Variants in PEAR1 observed in about 807,000 individuals in gnomAD.
PEAR1 encodes multiple EGF-like domains protein 12.
A neutral mutation model predicts 131.2 loss-of-function variants in PEAR1; 113 were observed. The observed-to-expected ratio is 0.86, with a 90% CI of 0.74 to 1.01. PEAR1 has a LOEUF of 1.01. Among genes scored for constraint, PEAR1 ranks in the 50% least tolerant of loss-of-function variants. PEAR1 has a pLI of 0.00. For missense variants in PEAR1, 1,408 were observed against 1,391.1 expected (o/e 1.01, Z -0.19); for synonymous variants, 565 against 523.3 (o/e 1.08, Z -1.09).
Position 156,902,803 on chromosome 1 carries a change from G to A in PEAR1, c.-9-1115G>A, listed in dbSNP as rs1408703801. On this transcript the variant is annotated intron_variant, in intron 1 of 22. Transcript: ENST00000292357. The surrounding 1 kb of genome is among the most constrained non-coding windows in gnomAD (Gnocchi z 4.3). ...GCCGGCTGCGGGGATGGGCACTGCG[G>A]TAACTCATCCTCTCCTGAGCTCAGG... Among the ~76,000 whole-genome samples, 2 of 152,184 alleles carry A rather than the reference G, an allele frequency of 1.3e-5. No individual in the cohort carries two copies. Among genetic ancestry groups the A allele is most frequent in the Non-Finnish European group, 2.9e-5 (2 of 68,032 alleles).
chr1:156,913,824 C>T (rs373676434), intron 21 of PEAR1, 28 bp from the exon 22 acceptor site: 81 of 1,610,404 alleles, frequency 5.0e-5, no homozygotes, highest in Middle Eastern at 1.7e-4. Flanking sequence ...TGCCTCCATG[C>T]GGCCTGACTT....
intron 1 of PEAR1, among the ~76,000 whole-genome samples, 189 bp downstream of exon 1, chr1:156,894,026 A>T (rs1409623011): frequency 1.3e-5 from 2 of 152,158 alleles, no homozygotes; most frequent in Non-Finnish European, 2.9e-5. Flanking sequence ...GGGACAGTGG[A>T]GGGGGCCAGA....
rs374380020 is a variant in PEAR1, at chr1:156,913,774, G to A, written c.2713+14G>A. The A allele has an allele frequency of 6.2e-7, 1 of 1,613,326 alleles. No homozygotes were observed. Among genetic ancestry groups the A allele is most frequent in the Non-Finnish European group, 8.5e-7 (1 of 1,179,524 alleles). On this transcript the variant is annotated intron_variant, in intron 21 of 22. Coordinates refer to ENST00000292357, the MANE Select transcript of PEAR1 (RefSeq NM_001080471.3). ...TCTACAATAAAGGTATGGGCACAGG[G>A]GCAACAAGGGAGGTGGCTGAGCTGG...
intron 2 of PEAR1, among the ~76,000 whole-genome samples, chr1:156,904,536 A>G (rs1211647488): frequency 6.6e-6 from 1 of 152,120 alleles, no homozygotes; most frequent in African/African-American, 2.4e-5. Context: ...GGGCGCTCTG[A>G]TGGAGGGTAT....
chr1:156,909,760 G>A lies in PEAR1; in HGVS notation c.1421G>A (p.Arg474His), dbSNP rs76880868. The A allele has an allele frequency of 2.3e-5, 37 of 1,603,868 alleles. No individual in the cohort carries two copies. The East Asian group carries it at 2.5e-4, about 11-fold the overall frequency. ...GECVCKEGWQ[R>H]GNCSVPCPPG... ...CAGGCCCCTCCTCCAGGTTGGCAGC[G>A]TGGTAACTGCTCTGTGCCCTGCCCA... The change falls in exon 12 of 23, where the codon CGT becomes CAT. Residue 474 changes from arginine to histidine, a missense_variant. Arg to His is a conservative substitution (Grantham distance 29). Transcript: ENST00000292357.
At chr1:156,913,079 G>A in intron 18 of PEAR1, 97 bp downstream of exon 18, 7 of 1,562,930 alleles carry the variant, frequency 4.5e-6, no homozygotes, top group Non-Finnish European at 6.1e-6. Context: ...GAGGAGTGGG[G>A]AGGAGGGAGG....
chr1:156,909,639 C>T (rs1650807969), intron 11 of PEAR1, 112 bp from the exon 12 acceptor site: 4 of 1,249,046 alleles, frequency 3.2e-6, no homozygotes, highest in South Asian at 3.0e-5. Context: ...CCGTGAACAC[C>T]CCCCACCCAC....
Position 156,912,353 on chromosome 1 carries a change from G to A in PEAR1, c.2058G>A (p.Trp686Ter). 1 of 1,613,878 alleles carries A rather than the reference G, an allele frequency of 6.2e-7. No individual in the cohort carries two copies. The highest frequency in any genetic ancestry group is 8.5e-7 in the Non-Finnish European group (1 of 1,179,884). ...QDGSCICPLG[W>*]TGHHCLEGCP... ...GGAGCTGTATCTGCCCCCTAGGCTG[G>A]ACTGGACACCACTGCTTAGAAGGTA... The change falls in exon 16 of 23, where the codon TGG becomes TGA. Residue 686 changes from tryptophan to a stop codon, truncating the protein, a stop_gained. Transcript: ENST00000292357. LOFTEE classifies it high-confidence loss of function.
chr1:156,910,468 C>G, intron 14 of PEAR1, 88 bp downstream of exon 14: 1 of 1,542,110 alleles, frequency 6.5e-7, no homozygotes, highest in Admixed American at 1.9e-5. Context: ...CCGCGCCCGC[C>G]GCCCACCTCT....
rs6671392 is a variant in PEAR1, at chr1:156,908,945, T to C, written c.1320T>C (p.Pro440=). ...CTCACTGTGCTAGTCTTTGTCCTCCTGACACCTACGGTGTCAACTGTTCTG... is the reference window on the plus strand; with the variant it reads ...CTCACTGTGCTAGTCTTTGTCCTCCCGACACCTACGGTGTCAACTGTTCTG... ...TGPHCASLCP[P]DTYGVNCSAR... Residue 440 remains proline (P), a synonymous_variant, in exon 11 of 23, where the codon CCT becomes CCC. Transcript: ENST00000292357. This position sits in a 1 kb window ranked among gnomAD's most constrained non-coding sequence, Gnocchi z 4.2. 234,618 of 1,613,844 alleles carry C rather than the reference T, an allele frequency of 0.15. 19,273 individuals carry two copies. The highest frequency in any genetic ancestry group is 0.35 in the East Asian group (15,803 of 44,860).
chr1:156,907,602 T>C lies in PEAR1; in HGVS notation c.645-8T>C. 6.2e-7 allele frequency: 1 copy of C among 1,609,054 alleles called. No individual in the cohort carries two copies. Among genetic ancestry groups the C allele is most frequent in the East Asian group, 2.2e-5 (1 of 44,838 alleles). ...TTGCACATTGACTCCACCCACTCTG[T>C]CCTGCAGCTGTGACGTGTCCTGTTC... On this transcript the variant is annotated splice_polypyrimidine_tract_variant and splice_region_variant and intron_variant, in intron 6 of 22. Transcript: ENST00000292357.
rs1369530168 is a variant in PEAR1 at position 156,910,124 on chromosome 1, C to T, written c.1678+16C>T. 2 of 1,613,978 alleles carry T rather than the reference C, an allele frequency of 1.2e-6. No individual in the cohort carries two copies. The highest frequency in any genetic ancestry group is 1.7e-6 in the Non-Finnish European group (2 of 1,179,956). ...GGCTGGATGGGTGAGCATTCTGGGG[C>T]CCCAGGCCTACTGTGGATTGGGGGA... On this transcript the variant is annotated intron_variant, in intron 13 of 22. Coordinates refer to ENST00000292357, the MANE Select transcript of PEAR1 (RefSeq NM_001080471.3).
intron 1 of PEAR1, among the ~76,000 whole-genome samples, chr1:156,898,347 T>A (rs1649361906): frequency 6.6e-6 from 1 of 152,052 alleles, no homozygotes; most frequent in Non-Finnish European, 1.5e-5. Context: ...AGAACACAAG[T>A]CCAGCCCCTC....
chr1:156,913,342 A>C lies in PEAR1; in HGVS notation c.2512-49A>C, dbSNP rs745368893. The C allele has an allele frequency of 3.1e-6, 5 of 1,601,580 alleles. No homozygotes were observed. In the South Asian group the frequency reaches 5.6e-5, roughly 18 times the overall value. On this transcript the variant is annotated intron_variant, in intron 19 of 22. Transcript: ENST00000292357. The stretch of plus-strand genomic sequence containing the variant: ...AAGCGCACAGACCAGCTTCTCTGGA[A>C]AGCCCTGTCCTTGCCTCTTGCTCTC...
rs1331859933 is a variant in PEAR1, at chr1:156,905,377, G to A, written c.260G>A (p.Arg87His). 9 of 1,611,074 alleles carry A rather than the reference G, an allele frequency of 5.6e-6. No individual in the cohort carries two copies. The highest frequency in any genetic ancestry group is 1.7e-5 in the Admixed American group (1 of 59,754). ...GTGGTGAAGACGGACCACCGCCAGCGCCTGCAGTGCTGCCATGGCTTCTAT... is the reference window on the plus strand; with the variant it reads ...GTGGTGAAGACGGACCACCGCCAGCACCTGCAGTGCTGCCATGGCTTCTAT... ...RQVVKTDHRQ[R>H]LQCCHGFYES... is the part of the protein sequence containing the mutation. Residue 87 changes from arginine (R) to histidine (H), a missense_variant, in exon 4 of 23, where the codon CGC (arginine) becomes CAC (histidine). Transcript: ENST00000292357.
chr1:156,904,881 A>C, intron 3 of PEAR1, 29 bp downstream of exon 3: 1 of 1,613,606 alleles, frequency 6.2e-7, no homozygotes, highest in Non-Finnish European at 8.5e-7. Flanking sequence ...CCATGGGTGG[A>C]TGGGCTACCT....
intron 1 of PEAR1, among the ~76,000 whole-genome samples, chr1:156,895,293 G>A (rs1038582997): frequency 2.0e-5 from 3 of 152,242 alleles, no homozygotes; most frequent in African/African-American, 7.2e-5. Flanking sequence ...CCTGGAGAGA[G>A]ATAGAAGGTC....
intron 14 of PEAR1, 86 bp downstream of exon 14, chr1:156,910,466 GCCGCCCACC>G: frequency 6.5e-7 from 1 of 1,537,358 alleles, no homozygotes; most frequent in Non-Finnish European, 8.8e-7. Flanking sequence ...CCCCGCGCCC[GCCGCCCACC>G]TCTCCCACCT....
intron 4 of PEAR1, 120 bp from the exon 5 acceptor site, chr1:156,906,156 A>C: frequency 2.4e-6 from 2 of 824,150 alleles, no homozygotes; most frequent in Non-Finnish European, 3.9e-6. Flanking sequence ...TAGAGGCAGA[A>C]TTGGGGCTTG....
Sources: gnomAD v4.1 joint callset for allele counts (sites outside exome capture counted in the v4.1 genomes callset) on GRCh38, gnomAD v4.1.1 for gene constraint, Gnocchi (gnomAD v3.1) non-coding constraint, MANE v1.5 for transcripts, NCBI Gene and HGNC (gene_info 2026-07-23, HGNC 2026-07-21) for gene names.